PPP3CB: variants seen among roughly 807,000 people sequenced by gnomAD.
PPP3CB encodes protein phosphatase 3 catalytic subunit beta, also known as serine/threonine-protein phosphatase 2B catalytic subunit beta isoform.
PPP3CB carries 8 observed loss-of-function variants against 66.4 expected under a neutral mutation model. That is an observed-to-expected ratio of 0.12 (90% CI 0.07 to 0.22). The LOEUF is 0.22. Ranked by LOEUF, PPP3CB falls within the 10% of genes least tolerant of loss-of-function variation. The pLI is 1.00. For missense variants in PPP3CB, 319 were observed against 642.5 expected, an observed-to-expected ratio of 0.50 and a Z score of 5.44; for synonymous variants, 208 against 221.2, an observed-to-expected ratio of 0.94 and a Z score of 0.53.
At chr10:73,482,216 T>TTGG (rs2056890504) in intron 1 of PPP3CB, among the ~76,000 whole-genome samples, 1 of 151,942 alleles carries the variant, frequency 6.6e-6, no homozygotes, top group South Asian at 2.1e-4. Flanking sequence ...TTTTTTTTTT[T>TTGG]AGCACTCTAC....
intron 10 of PPP3CB, among the ~76,000 whole-genome samples, chr10:73,450,710 A>G (rs184304562): frequency 6.6e-6 from 1 of 152,324 alleles, no homozygotes; most frequent in Non-Finnish European, 1.5e-5. Flanking sequence ...GTGCTTAACA[A>G]TTTTTAAAAT....
At chr10:73,438,565 AT>A in intron 13 of PPP3CB, 145 bp from the exon 14 acceptor site, 1 of 686,748 alleles carries the variant, frequency 1.5e-6, no homozygotes, top group Non-Finnish European at 2.4e-6. Context: ...TCCTATCCTC[AT>A]TTCAGTCTTT....
intron 10 of PPP3CB, among the ~76,000 whole-genome samples, chr10:73,447,999 T>C (rs1368534293): frequency 6.6e-6 from 1 of 152,090 alleles, no homozygotes; most frequent in African/African-American, 2.4e-5. Flanking sequence ...AATCTCCTCA[T>C]TTTATAGACA....
chr10:73,437,733 T>C lies in PPP3CB; in HGVS notation c.*509A>G, dbSNP rs1366979045. The C allele has an allele frequency of 6.5e-6, 1 of 152,812 alleles. No individual in the cohort carries two copies. The highest frequency in any genetic ancestry group is 2.4e-5 in the African/African-American group (1 of 41,462). 9.5% of individuals were successfully genotyped at this position (152,812 alleles called of 1,614,324 possible). On this transcript the variant is annotated 3_prime_UTR_variant, in exon 14 of 14. Transcript: ENST00000360663. ...CTATAGACCTGAGGTCAACATTTTG[T>C]ATAAATGCCAACTGGGTTTCTCGGC...
intron 12 of PPP3CB, among the ~76,000 whole-genome samples, chr10:73,443,326 AAG>A (rs1166413851): frequency 3.2e-4 from 47 of 148,726 alleles, no homozygotes; most frequent in African/African-American, 1.1e-3. Context: ...GAAAGAAAGA[AAG>A]AAAAAGAAAG....
chr10:73,465,197 T>C (rs1475281644), intron 9 of PPP3CB, among the ~76,000 whole-genome samples: 1 of 152,132 alleles, frequency 6.6e-6, no homozygotes, highest in Non-Finnish European at 1.5e-5. Flanking sequence ...CCTTGGTGTA[T>C]GTTGAAAATT....
In PPP3CB at chr10:73,488,424, G is replaced by A. The variant is rs556265843; in HGVS notation, c.85+7381C>T. On this transcript the variant is annotated intron_variant, in intron 1 of 13. Coordinates refer to ENST00000360663, the MANE Select transcript of PPP3CB (RefSeq NM_021132.4). ...TAGCCAGGCATGGTGGTGTGTGCCT[G>A]TAGTCCCAGCTACTTGGGAGGCTGA... Among the ~76,000 whole-genome samples, 3 of 152,078 alleles carry A rather than the reference G, an allele frequency of 2.0e-5. No homozygotes were observed. The East Asian group carries it at 5.8e-4, about 29-fold the overall frequency.
chr10:73,454,933 C>T (rs1589691314), intron 9 of PPP3CB, among the ~76,000 whole-genome samples: 1 of 151,188 alleles, frequency 6.6e-6, no homozygotes, highest in East Asian at 1.9e-4. Context: ...AGTGCAGTGG[C>T]GTGATCTCGG....
chr10:73,473,182 G>T (rs984879976), intron 4 of PPP3CB, among the ~76,000 whole-genome samples: 1 of 152,126 alleles, frequency 6.6e-6, no homozygotes, highest in Non-Finnish European at 1.5e-5. Context: ...CCTGATCCTT[G>T]AAGTTATAAG....
chr10:73,474,866 T>G (rs2056764149), intron 4 of PPP3CB, 53 bp downstream of exon 4: 6 of 1,597,528 alleles, frequency 3.8e-6, no homozygotes, highest in Non-Finnish European at 5.1e-6. Flanking sequence ...ACTACCCACT[T>G]AAGTCCAAAA....
intron 1 of PPP3CB, among the ~76,000 whole-genome samples, chr10:73,495,154 GA>G (rs2057166435): frequency 6.6e-6 from 1 of 152,154 alleles, no homozygotes; most frequent in Non-Finnish European, 1.5e-5. Context: ...CTATCCACAA[GA>G]ATTTTTTTTT....
intron 9 of PPP3CB, among the ~76,000 whole-genome samples, chr10:73,455,099 G>A (rs946855936): frequency 6.6e-6 from 1 of 151,624 alleles, no homozygotes. Context: ...TGGTCAGGCT[G>A]GTCTCGAACT....
chr10:73,438,484 A>G, intron 13 of PPP3CB, 64 bp from the exon 14 acceptor site: 1 of 1,421,804 alleles, frequency 7.0e-7, no homozygotes, highest in South Asian at 1.2e-5. Context: ...TCAAAAACAT[A>G]ATTAATGATT....
At chr10:73,481,313 AAC>A (rs2132983044) in intron 1 of PPP3CB, among the ~76,000 whole-genome samples, 1 of 151,490 alleles carries the variant, frequency 6.6e-6, no homozygotes, top group Admixed American at 6.6e-5. Flanking sequence ...CTCTACTAAA[AAC>A]ACAAAAATTA....
intron 9 of PPP3CB, among the ~76,000 whole-genome samples, chr10:73,457,559 G>A (rs2056449082): frequency 6.6e-6 from 1 of 151,928 alleles, no homozygotes; most frequent in Non-Finnish European, 1.5e-5. Flanking sequence ...CCAACATGGT[G>A]AAACCCTGTC....
intron 1 of PPP3CB, among the ~76,000 whole-genome samples, chr10:73,492,080 G>C (rs912774148): frequency 6.6e-6 from 1 of 152,078 alleles, no homozygotes; most frequent in African/African-American, 2.4e-5. Flanking sequence ...AGGGCAACTG[G>C]CAACAGAATC....
Position 73,483,861 on chromosome 10 carries a change from T to C in PPP3CB, c.86-4344A>G, listed in dbSNP as rs2056925332. Among the ~76,000 whole-genome samples, 4 of 152,040 alleles carry C rather than the reference T, an allele frequency of 2.6e-5. No individual in the cohort carries two copies. In the South Asian group the frequency reaches 6.3e-4, roughly 24 times the overall value. ...TTTTTTTCATCAAAAACTAATTCTC[T>C]GGCCAGGTGCGGTGGTTCATGTCTG... is the stretch of plus-strand genomic sequence containing the variant. On this transcript the variant is annotated intron_variant, in intron 1 of 13. Coordinates refer to ENST00000360663, the MANE Select transcript of PPP3CB (RefSeq NM_021132.4).
chr10:73,487,167 C>T (rs552898974), intron 1 of PPP3CB, among the ~76,000 whole-genome samples: 1 of 151,964 alleles, frequency 6.6e-6, no homozygotes, highest in Non-Finnish European at 1.5e-5. Context: ...GACTTTCTCT[C>T]AAAAGAAAAC....
chr10:73,477,326 T>G (rs752908026), intron 3 of PPP3CB: 6 of 479,624 alleles, frequency 1.3e-5, no homozygotes, highest in Middle Eastern at 3.3e-4. Context: ...TAAAGATGTA[T>G]GAATAATATG....
Sources: gnomAD v4.1 joint callset for allele counts (sites outside exome capture counted in the v4.1 genomes callset) on GRCh38, gnomAD v4.1.1 for gene constraint, MANE v1.5 for transcripts, NCBI Gene and HGNC (gene_info 2026-07-23, HGNC 2026-07-21) for gene names.